Variants in YAP1 observed in about 807,000 individuals in gnomAD.
YAP1 encodes Yes1 associated transcriptional regulator.
YAP1 carries 5 observed loss-of-function variants against 56.9 expected under a neutral mutation model. The ratio of observed to expected loss-of-function variants is 0.09; its 90% CI spans 0.05 to 0.18. The LOEUF (loss-of-function observed/expected upper bound fraction) is 0.18. Ranked by LOEUF, YAP1 falls within the 10% of genes least tolerant of loss-of-function variation. YAP1 has a pLI of 1.00. For missense variants in YAP1, 539 were observed against 651.8 expected, an observed-to-expected ratio of 0.83 and a Z score of 1.88; for synonymous variants, 265 against 248.1, an observed-to-expected ratio of 1.07 and a Z score of -0.64.
chr11:102,228,087 G>A (rs1038314535), intron 8 of YAP1, among the ~76,000 whole-genome samples: 2 of 151,356 alleles, frequency 1.3e-5, no homozygotes, highest in Non-Finnish European at 2.9e-5. Flanking sequence ...GGATATATTA[G>A]CTCTATTTGA....
rs376248266 is a variant in YAP1, at chr11:102,189,339, G to A, written c.802+3208G>A. Among the ~76,000 whole-genome samples the A allele has an allele frequency of 1.3e-4, 20 of 152,084 alleles. No individual in the cohort carries two copies. In the East Asian group the frequency reaches 2.5e-3, roughly 19 times the overall value. ...ACAATGAAATTATAATTGCTGTTCA[G>A]AATGAAAAAAGATCTTTAAAACACT... On this transcript the variant is annotated intron_variant, in intron 4 of 8. Coordinates refer to ENST00000282441, the MANE Select transcript of YAP1 (RefSeq NM_001130145.3).
intron 2 of YAP1, among the ~76,000 whole-genome samples, chr11:102,144,805 C>T (rs1945223693): frequency 1.3e-5 from 2 of 151,946 alleles, no homozygotes; most frequent in South Asian, 4.1e-4. Context: ...TGTTTAAAAA[C>T]GTGTCGATGT....
chr11:102,195,127 G>T (rs1282900828), intron 4 of YAP1, among the ~76,000 whole-genome samples: 1 of 152,132 alleles, frequency 6.6e-6, no homozygotes, highest in Non-Finnish European at 1.5e-5. Flanking sequence ...TCATAGTGGG[G>T]AAAAACATCT....
chr11:102,154,687 G>A (rs190486552), intron 2 of YAP1, among the ~76,000 whole-genome samples: 99 of 152,196 alleles, frequency 6.5e-4, no homozygotes, highest in Admixed American at 1.1e-3. Flanking sequence ...ATAGTCCTAC[G>A]TGTAAAACTT....
intron 2 of YAP1, among the ~76,000 whole-genome samples, chr11:102,144,547 T>C (rs1333073436): frequency 6.6e-6 from 1 of 152,192 alleles, no homozygotes; most frequent in Non-Finnish European, 1.5e-5. Context: ...AGCTCATGTA[T>C]TGCAACATTA....
At chr11:102,213,389 G>A (rs1315523142) in intron 6 of YAP1, among the ~76,000 whole-genome samples, 1 of 152,208 alleles carries the variant, frequency 6.6e-6, no homozygotes, top group Non-Finnish European at 1.5e-5. Context: ...AGGAGGCTGA[G>A]GAGGGAGAAT....
chr11:102,198,332 G>T (rs541568002), intron 4 of YAP1, among the ~76,000 whole-genome samples: 1 of 152,120 alleles, frequency 6.6e-6, no homozygotes, highest in Non-Finnish European at 1.5e-5. Flanking sequence ...TACTGCTTTT[G>T]GTATCTAATT....
chr11:102,160,436 A>G (rs889005619), intron 2 of YAP1, among the ~76,000 whole-genome samples: 1 of 152,182 alleles, frequency 6.6e-6, no homozygotes, highest in Non-Finnish European at 1.5e-5. Context: ...CAAATCATGA[A>G]CATTGTGTAT....
intron 1 of YAP1, among the ~76,000 whole-genome samples, chr11:102,111,707 C>G (rs1161270102): frequency 6.6e-6 from 1 of 152,186 alleles, no homozygotes; most frequent in East Asian, 1.9e-4. Flanking sequence ...TGCGGCCTCT[C>G]GGTCCACTTC....
In YAP1 at chr11:102,162,653, G is replaced by A. The variant is rs147293514; in HGVS notation, c.688+82G>A. 2.8e-4 allele frequency: 374 copies of A among 1,331,546 alleles called. 2 individuals carry two copies. Among genetic ancestry groups the A allele is most frequent in the South Asian group, 4.4e-4 (37 of 83,982 alleles). 82.5% of individuals were successfully genotyped at this position (1,331,546 alleles called of 1,614,324 possible). A position where few individuals can be genotyped will look rare whatever the true frequency, so the allele number is the denominator to read the frequency against. On this transcript the variant is annotated intron_variant, in intron 3 of 8. Transcript: ENST00000282441. Reference sequence around the variant, plus strand: ...TTGATGTGGAAAATAGTCATTACTCGTTTACAGAAACTGGGACATGGTGAT... The same window carrying A: ...TTGATGTGGAAAATAGTCATTACTCATTTACAGAAACTGGGACATGGTGAT...
intron 4 of YAP1, among the ~76,000 whole-genome samples, chr11:102,193,542 C>T (rs548696194): frequency 6.6e-6 from 1 of 152,252 alleles, no homozygotes; most frequent in African/African-American, 2.4e-5. Context: ...GCAATCTCTC[C>T]TGTACTAACC....
chr11:102,180,949 C>A (rs143873275), intron 3 of YAP1, among the ~76,000 whole-genome samples: 3 of 151,560 alleles, frequency 2.0e-5, no homozygotes, highest in African/African-American at 7.3e-5. Context: ...GATTTCGAGA[C>A]CAGCCTGGGC....
chr11:102,187,970 G>A (rs565603770), intron 4 of YAP1, among the ~76,000 whole-genome samples: 149 of 152,228 alleles, frequency 9.8e-4, no homozygotes, highest in African/African-American at 3.3e-3. Flanking sequence ...TTTGTGGCCC[G>A]ACTTTTAATC....
At chr11:102,202,705 A>C (rs960697996) in intron 4 of YAP1, among the ~76,000 whole-genome samples, 1 of 152,192 alleles carries the variant, frequency 6.6e-6, no homozygotes, top group Non-Finnish European at 1.5e-5. Context: ...TGTAACCTCT[A>C]ATGAAATAAT....
At chr11:102,137,221 A>T (rs1387311453) in intron 2 of YAP1, among the ~76,000 whole-genome samples, 5 of 152,086 alleles carry the variant, frequency 3.3e-5, no homozygotes, top group African/African-American at 1.2e-4. Context: ...AGTCACATAA[A>T]CTCTCTAAAC....
In YAP1 at chr11:102,227,508, A is replaced by G; in HGVS notation, c.1203A>G (p.Gly401=). The G allele has an allele frequency of 6.2e-7, 1 of 1,614,022 alleles. No individual in the cohort carries two copies. Residue 401 remains glycine (G), a synonymous_variant, in exon 8 of 9, where the codon GGA becomes GGG. Transcript: ENST00000282441. ...YHSRDESTDS[G]LSMSSYSVPR... ...CTCGAGATGAGAGTACAGACAGTGG[A>G]CTAAGCATGAGCAGCTACAGTGTCC... is the stretch of plus-strand genomic sequence containing the variant.
rs980250000 is a variant in YAP1 at position 102,220,117 on chromosome 11, C to A, written c.1033-3505C>A. ...GGCATGGTGGCTCACGCCTGTAATC[C>A]TAACACTTTGGGAGGCCAATCGCTT... is the stretch of plus-strand genomic sequence containing the variant. On this transcript the variant is annotated intron_variant, in intron 6 of 8. Coordinates refer to ENST00000282441, the MANE Select transcript of YAP1 (RefSeq NM_001130145.3). 1.6e-4 allele frequency among the ~76,000 whole-genome samples: 24 copies of A among 151,914 alleles called. 1 individual carries two copies. Among genetic ancestry groups the A allele is most frequent in the Admixed American group, 1.5e-3 (23 of 15,274 alleles).
At chr11:102,215,949 T>G (rs1205649380) in intron 6 of YAP1, among the ~76,000 whole-genome samples, 2 of 152,192 alleles carry the variant, frequency 1.3e-5, no homozygotes, top group Non-Finnish European at 2.9e-5. Flanking sequence ...ATATGATATG[T>G]CTTTGTGGTT....
intron 6 of YAP1, among the ~76,000 whole-genome samples, chr11:102,222,843 T>A (rs752845161): frequency 6.6e-6 from 1 of 150,392 alleles, no homozygotes; most frequent in Non-Finnish European, 1.5e-5. Context: ...AGTAAAATCA[T>A]CAGATGCTAT....
Sources: gnomAD v4.1 joint callset for allele counts (sites outside exome capture counted in the v4.1 genomes callset) on GRCh38, gnomAD v4.1.1 for gene constraint, MANE v1.5 for transcripts, NCBI Gene and HGNC (gene_info 2026-07-23, HGNC 2026-07-21) for gene names.